Variants in COL6A5 observed in about 807,000 individuals in gnomAD.
COL6A5 encodes collagen type VI alpha 5 chain, also known as collagen alpha-5(VI) chain.
A neutral mutation model predicts 65.6 loss-of-function variants in COL6A5; 48 were observed. The observed-to-expected ratio is 0.73, with a 90% CI of 0.58 to 0.93. The LOEUF (loss-of-function observed/expected upper bound fraction) is 0.93. Among genes scored for constraint, COL6A5 ranks in the 40% least tolerant of loss-of-function variants. The pLI, the probability that COL6A5 is intolerant of heterozygous loss-of-function variation, is 0.00. For synonymous variants in COL6A5, 291 were observed against 322.8 expected, an observed-to-expected ratio of 0.90 and a Z score of 1.05; for missense variants, 914 against 928.3, an observed-to-expected ratio of 0.98 and a Z score of 0.20.
At chr3:130,425,832 C>T (rs12330914) in intron 29 of COL6A5, among the ~76,000 whole-genome samples, 21,014 of 152,138 alleles carry the variant, frequency 0.14, 1,667 homozygotes, top group East Asian at 0.26. Flanking sequence ...AAATTACTCT[C>T]CTTGGCACTG....
intron 4 of COL6A5, 57 bp from the exon 37 acceptor site, chr3:130,455,398 T>C: frequency 9.7e-7 from 1 of 1,027,294 alleles, no homozygotes. Context: ...AAGGATGTTT[T>C]ATTTGCCTCC....
upstream of COL6A5, among the ~76,000 whole-genome samples, chr3:130,427,594 C>T (rs1035196763): frequency 6.6e-5 from 10 of 151,934 alleles, no homozygotes; most frequent in African/African-American, 1.5e-4. Context: ...CTACATGAAA[C>T]GATCGACCCC....
chr3:130,407,575 G>A lies in COL6A5; in HGVS notation c.4479+1254G>A, dbSNP rs867545247. ...ACACAAAATATGCTAAGGGTGTAGC[G>A]GGGTTTGGACTGAAGTGAGGCTAGC... On this transcript the variant is annotated intron_variant and NMD_transcript_variant, in intron 17 of 41. Coordinates refer to the COL6A5 transcript ENST00000312481. Among the ~76,000 whole-genome samples the A allele has an allele frequency of 4.7e-4, 71 of 152,316 alleles. 1 individual carries two copies. In the Middle Eastern group the frequency reaches 0.051, roughly 109 times the overall value.
At chr3:130,433,968 AAAAAAC>A (rs1577505340) in intron 1 of COL6A5, among the ~76,000 whole-genome samples, 1 of 147,468 alleles carries the variant, frequency 6.8e-6, no homozygotes, top group African/African-American at 2.4e-5. Flanking sequence ...CTTCTAAAAA[AAAAAAC>A]AAAAACAAAA....
At chr3:130,345,886 C>T (rs1281508883) in exon 1 of COL6A5, 2 of 398,576 alleles carry the variant, frequency 5.0e-6, no homozygotes, top group Non-Finnish European at 8.8e-6. Context: ...CCGAGAGGCG[C>T]GCGTTTACTG....
chr3:130,451,437 G>A (rs1709431332), intron 4 of COL6A5, among the ~76,000 whole-genome samples: 1 of 152,096 alleles, frequency 6.6e-6, no homozygotes, highest in Non-Finnish European at 1.5e-5. Flanking sequence ...GTGAAGAAGG[G>A]TACAGAGAAG....
chr3:130,473,995 A>G (rs1710026219), intron 7 of COL6A5, among the ~76,000 whole-genome samples: 1 of 152,088 alleles, frequency 6.6e-6, no homozygotes, highest in South Asian at 2.1e-4. Context: ...AGTAACTTGT[A>G]ATGACATCTC....
intron 7 of COL6A5, among the ~76,000 whole-genome samples, chr3:130,481,778 G>T (rs1402897396): frequency 6.6e-6 from 1 of 152,084 alleles, no homozygotes; most frequent in African/African-American, 2.4e-5. Context: ...GTTTTGATTT[G>T]CATTTCTCTA....
exon 5 of COL6A5, chr3:130,455,596 T>A (rs1192147385): frequency 6.2e-7 from 1 of 1,613,164 alleles, no homozygotes; most frequent in African/African-American, 1.3e-5. Context: ...GCCAAATGTT[T>A]GAGCCACAAA....
chr3:130,357,974 G>A (rs555197836), intron 1 of COL6A5, among the ~76,000 whole-genome samples: 1 of 152,182 alleles, frequency 6.6e-6, no homozygotes, highest in South Asian at 2.1e-4. Flanking sequence ...CGGATCACGA[G>A]GTCAGGTGAT....
chr3:130,374,110 A>G (rs888304331), intron 2 of COL6A5, among the ~76,000 whole-genome samples: 3 of 152,202 alleles, frequency 2.0e-5, no homozygotes, highest in African/African-American at 7.2e-5. Context: ...CATGAAATAT[A>G]TATTTACACA....
chr3:130,400,897 C>T, intron 10 of COL6A5, 134 bp from the exon 11 acceptor site: 3 of 677,170 alleles, frequency 4.4e-6, no homozygotes, highest in Non-Finnish European at 6.9e-6. Flanking sequence ...GTCAGGAGTA[C>T]TCCTTCCTCT....
chr3:130,390,350 C>T (rs1936351816), intron 6 of COL6A5, among the ~76,000 whole-genome samples: 2 of 152,096 alleles, frequency 1.3e-5, no homozygotes, highest in South Asian at 4.1e-4. Flanking sequence ...AGCCTGGGGA[C>T]ATTCACAGTG....
intron 5 of COL6A5, among the ~76,000 whole-genome samples, chr3:130,386,539 A>T (rs1936194389): frequency 6.6e-6 from 1 of 152,078 alleles, no homozygotes; most frequent in Non-Finnish European, 1.5e-5. Flanking sequence ...AATTTTGTTC[A>T]TTTTTCTCCC....
intron 13 of COL6A5, among the ~76,000 whole-genome samples, chr3:130,404,245 A>G (rs1176800843): frequency 6.6e-6 from 1 of 152,172 alleles, no homozygotes; most frequent in Non-Finnish European, 1.5e-5. Context: ...CATCAATCAA[A>G]TTGTGAGAAA....
chr3:130,461,092 T>A (rs1356044302), intron 5 of COL6A5, among the ~76,000 whole-genome samples: 4 of 152,074 alleles, frequency 2.6e-5, no homozygotes, highest in Non-Finnish European at 5.9e-5. Flanking sequence ...GGTCCTGTTC[T>A]GAATTAAGCC....
At chr3:130,465,309 G>A (rs1709790113) in intron 5 of COL6A5, among the ~76,000 whole-genome samples, 1 of 152,040 alleles carries the variant, frequency 6.6e-6, no homozygotes, top group African/African-American at 2.4e-5. Flanking sequence ...GGTCTGTGGA[G>A]GGTCTCGCTG....
chr3:130,351,411 C>G (rs978195291), intron 1 of COL6A5, among the ~76,000 whole-genome samples: 1 of 152,036 alleles, frequency 6.6e-6, no homozygotes, highest in African/African-American at 2.4e-5. Flanking sequence ...TGCAATCTAC[C>G]CATCTGATAA....
chr3:130,389,000 T>C, exon 6 of COL6A5: 4 of 1,548,028 alleles, frequency 2.6e-6, no homozygotes, highest in South Asian at 1.2e-5. Flanking sequence ...ATCTTCTCTG[T>C]AGGAGTATAC....
Sources: gnomAD v4.1 joint callset for allele counts (sites outside exome capture counted in the v4.1 genomes callset) on GRCh38, gnomAD v4.1.1 for gene constraint, MANE v1.5 for transcripts, NCBI Gene and HGNC (gene_info 2026-07-23, HGNC 2026-07-21) for gene names.